The following ADGB variants were observed in gnomAD, a reference collection of about 807,000 sequenced individuals.
The protein encoded by ADGB is androglobin.
A neutral mutation model predicts 210.5 loss-of-function variants in ADGB; 172 were observed. That is an observed-to-expected ratio of 0.82 (90% confidence interval 0.72 to 0.93). The LOEUF (loss-of-function observed/expected upper bound fraction) is 0.93. ADGB is among the 40% of genes least tolerant of loss of function. The pLI is 0.00. For synonymous variants in ADGB, 658 were observed against 662.7 expected (o/e 0.99, Z 0.11); for missense variants, 2,025 against 1,964.8 (o/e 1.03, Z -0.58).
At chr6:146,657,351 A>AGAAG (rs1562266599) in intron 5 of ADGB, among the ~76,000 whole-genome samples, 2 of 151,822 alleles carry the variant, frequency 1.3e-5, no homozygotes, top group South Asian at 2.1e-4. Context: ...AGAAAGAGAG[A>AGAAG]GAAGGAAGGA....
intron 22 of ADGB, among the ~76,000 whole-genome samples, chr6:146,735,872 C>G (rs545743001): frequency 3.9e-5 from 6 of 152,208 alleles, no homozygotes; most frequent in African/African-American, 1.4e-4. Flanking sequence ...ATGAAACAGA[C>G]AAGGTTTCTA....
chr6:146,798,399 A>C (rs1448701417), intron 33 of ADGB, among the ~76,000 whole-genome samples: 1 of 152,188 alleles, frequency 6.6e-6, no homozygotes, highest in Non-Finnish European at 1.5e-5. Context: ...AACTCACAAC[A>C]AACTGGTAAT....
At chr6:146,747,126 T>G (rs1211983111) in intron 26 of ADGB, among the ~76,000 whole-genome samples, 1 of 152,190 alleles carries the variant, frequency 6.6e-6, no homozygotes, top group Non-Finnish European at 1.5e-5. Flanking sequence ...AAGAATCATT[T>G]ATTTTCAATA....
chr6:146,641,204 G>T (rs1775508406), intron 2 of ADGB, among the ~76,000 whole-genome samples: 1 of 151,748 alleles, frequency 6.6e-6, no homozygotes, highest in African/African-American at 2.4e-5. Flanking sequence ...CAGCCAACCA[G>T]GGAAGTGAAA....
At chr6:146,609,576 C>T (rs2114828199) in intron 1 of ADGB, among the ~76,000 whole-genome samples, 1 of 152,230 alleles carries the variant, frequency 6.6e-6, no homozygotes, top group Middle Eastern at 3.4e-3. Flanking sequence ...TTTGTGGTGG[C>T]CAGCAACAGT....
intron 10 of ADGB, among the ~76,000 whole-genome samples, chr6:146,687,400 C>T (rs933361566): frequency 6.6e-6 from 1 of 151,884 alleles, no homozygotes; most frequent in South Asian, 2.1e-4. Context: ...CCAGCAATGC[C>T]CCATCAATGA....
rs575804129 is a variant in ADGB, at chr6:146,724,292, T to C, written c.2202T>C (p.Tyr734=). 3.5e-4 allele frequency: 545 copies of C among 1,550,086 alleles called. 2 individuals carry two copies. In the East Asian group the frequency reaches 9.7e-3, roughly 27 times the overall value. The part of the protein sequence containing the change: ...PGSLVLKIHT[Y]ATKATVVRLP... ...GTCTTGTTCTGAAGATTCACACATA[T>C]GCTACCAAGGCTACAGTGGTTCGTC... Residue 734 remains tyrosine (Y), a synonymous_variant, in exon 18 of 36, where the codon TAT becomes TAC. Transcript: ENST00000397944.
chr6:146,742,991 C>G (rs999744383), intron 25 of ADGB, among the ~76,000 whole-genome samples: 1 of 152,134 alleles, frequency 6.6e-6, no homozygotes, highest in African/African-American at 2.4e-5. Context: ...TTGGAAACCC[C>G]TCCTCTAAAC....
Position 146,763,902 on chromosome 6 carries a change from T to C in ADGB, c.3552T>C (p.Ser1184=), listed in dbSNP as rs1046779352. The change falls in exon 28 of 36, where the codon TCT becomes TCC. Residue 1184 remains serine (S), a splice_region_variant and synonymous_variant. Transcript: ENST00000397944. ...LKSEKGLSSQ[S]SKHILSFHSA... ...TAACTTAGTATTTCTCCTATTCAGC[T>C]AGCAAGCACATTCTTTCATTTCACT... 17 of 1,549,640 alleles carry C rather than the reference T, an allele frequency of 1.1e-5. No individual in the cohort carries two copies. The African/African-American group carries it at 2.3e-4, about 21-fold the overall frequency.
intron 5 of ADGB, among the ~76,000 whole-genome samples, chr6:146,661,337 A>G (rs111918100): frequency 0.024 from 3,567 of 148,734 alleles, 119 homozygotes; most frequent in African/African-American, 0.083. Flanking sequence ...CTCCTGCCTC[A>G]GCCTCCCAAG....
At chr6:146,744,205 G>T (rs1348646672) in intron 25 of ADGB, among the ~76,000 whole-genome samples, 1 of 152,076 alleles carries the variant, frequency 6.6e-6, no homozygotes, top group Non-Finnish European at 1.5e-5. Flanking sequence ...ATGTTGATAT[G>T]GTGGACTCAA....
rs544240560 is a variant in ADGB, at chr6:146,775,839, G to T, written c.3863-6181G>T. On this transcript the variant is annotated intron_variant, in intron 29 of 35. Coordinates refer to ENST00000397944, the MANE Select transcript of ADGB (RefSeq NM_024694.4). ...TGTATATTATTTATATATATAAAAA[G>T]ACTTTTCTGTTTATATTTATCAAGT... 1.5e-3 allele frequency among the ~76,000 whole-genome samples: 231 copies of T among 151,608 alleles called. 3 individuals carry two copies. Among genetic ancestry groups the T allele is most frequent in the African/African-American group, 5.4e-3 (223 of 41,418 alleles).
intron 13 of ADGB, among the ~76,000 whole-genome samples, chr6:146,712,506 C>CTGTTT (rs1776673316): frequency 6.6e-6 from 1 of 151,358 alleles, no homozygotes; most frequent in South Asian, 2.1e-4. Context: ...TTTTTTTGTT[C>CTGTTT]TGTTTTGTTT....
At chr6:146,633,696 C>A (rs1337679838) in intron 1 of ADGB, among the ~76,000 whole-genome samples, 1 of 151,934 alleles carries the variant, frequency 6.6e-6, no homozygotes, top group Non-Finnish European at 1.5e-5. Context: ...TTTTCCTTAA[C>A]CATTGTTTTA....
At chr6:146,655,855 T>C (rs1775772046) in intron 4 of ADGB, among the ~76,000 whole-genome samples, 1 of 152,126 alleles carries the variant, frequency 6.6e-6, no homozygotes, top group African/African-American at 2.4e-5. Flanking sequence ...CCTAGATAAC[T>C]CAAATTAAGA....
intron 1 of ADGB, among the ~76,000 whole-genome samples, chr6:146,615,046 G>T (rs867236642): frequency 6.6e-6 from 1 of 150,852 alleles, no homozygotes; most frequent in South Asian, 2.1e-4. Flanking sequence ...GACTACAGGC[G>T]CCCACCACCA....
chr6:146,662,344 TA>T (rs1365781097), intron 5 of ADGB, among the ~76,000 whole-genome samples: 2 of 152,156 alleles, frequency 1.3e-5, no homozygotes, highest in Non-Finnish European at 2.9e-5. Flanking sequence ...ATTTTCCTGT[TA>T]TTCGTAATTT....
chr6:146,791,418 G>A (rs944262435), intron 33 of ADGB, among the ~76,000 whole-genome samples: 2 of 151,932 alleles, frequency 1.3e-5, no homozygotes, highest in African/African-American at 2.4e-5. Context: ...ATCATGGCTC[G>A]CTGCAGCCTC....
Position 146,801,231 on chromosome 6 carries a change from G to A in ADGB, c.4586G>A (p.Arg1529Gln), listed in dbSNP as rs777394126. Residue 1529 changes from arginine (R) to glutamine (Q), a missense_variant, in exon 34 of 36, where the codon CGA (arginine) becomes CAA (glutamine). Coordinates refer to ENST00000397944, the MANE Select transcript of ADGB (RefSeq NM_024694.4). ...RSPTILETSP[R>Q]LIRKALEFMD... ...CCAACAATTTTGGAAACATCTCCACGACTTATTCGAAAAGCACTAGAATTT... is the reference window on the plus strand; with the variant it reads ...CCAACAATTTTGGAAACATCTCCACAACTTATTCGAAAAGCACTAGAATTT... 4.0e-6 allele frequency: 6 copies of A among 1,512,626 alleles called. No homozygotes were observed. Among genetic ancestry groups the A allele is most frequent in the East Asian group, 2.6e-5 (1 of 38,030 alleles). 93.7% of individuals were successfully genotyped at this position (1,512,626 alleles called of 1,614,324 possible).
Sources: allele counts gnomAD v4.1 joint callset (sites outside exome capture counted in the v4.1 genomes callset), GRCh38; gene constraint gnomAD v4.1.1; transcripts MANE v1.5; gene names NCBI Gene and HGNC (gene_info 2026-07-23, HGNC 2026-07-21).